Variants in TRPM6 observed in about 807,000 individuals in gnomAD.
TRPM6 encodes transient receptor potential cation channel subfamily M member 6.
Under a neutral mutation model 247.6 loss-of-function variants are expected in TRPM6, and 111 were observed. That is an observed-to-expected ratio of 0.45 (90% CI 0.38 to 0.52). TRPM6 has a LOEUF of 0.52. Ranked by LOEUF, TRPM6 falls within the 20% of genes least tolerant of loss-of-function variation. The pLI is 0.00. For missense variants in TRPM6, 2,126 were observed against 2,421.5 expected, an observed-to-expected ratio of 0.88 and a Z score of 2.56; for synonymous variants, 892 against 853.8, an observed-to-expected ratio of 1.04 and a Z score of -0.78.
intron 25 of TRPM6, among the ~76,000 whole-genome samples, chr9:74,770,943 T>C (rs755286819): frequency 1.4e-4 from 21 of 152,154 alleles, no homozygotes; most frequent in Non-Finnish European, 2.6e-4. Context: ...TCTCTGCTTC[T>C]CCTATTCTGT....
chr9:74,871,813 A>G (rs1170466791), intron 1 of TRPM6, among the ~76,000 whole-genome samples: 1 of 151,484 alleles, frequency 6.6e-6, no homozygotes, highest in Non-Finnish European at 1.5e-5. Context: ...CCGAGTATCT[A>G]GGATTACAAG....
At position 74,842,208 on chromosome 9, in the gene TRPM6, G is replaced by A. The variant is rs1829964798; in HGVS notation, c.288C>T (p.Gly96=). Residue 96 remains glycine, a synonymous_variant, in exon 4 of 39, where the codon GGC becomes GGT. Coordinates refer to ENST00000360774, the MANE Select transcript of TRPM6 (RefSeq NM_017662.5). ...HTTKSPTDTF[G]TINFQDGEHT... is the part of the protein sequence containing the mutation. ...GCTCTCCATCTTGGAAATTAATCGTGCCAAAAGTATCTGTTGGGCTTTTCG... is the reference window on the plus strand; with the variant it reads ...GCTCTCCATCTTGGAAATTAATCGTACCAAAAGTATCTGTTGGGCTTTTCG... 1 of 1,613,688 alleles carries A rather than the reference G, an allele frequency of 6.2e-7. No homozygotes were observed. The highest frequency in any genetic ancestry group is 1.3e-5 in the African/African-American group (1 of 74,810).
intron 37 of TRPM6, among the ~76,000 whole-genome samples, chr9:74,729,336 G>A (rs1376113145): frequency 6.6e-6 from 1 of 152,196 alleles, no homozygotes; most frequent in Non-Finnish European, 1.5e-5. Flanking sequence ...GGGACGTGGT[G>A]TAAAAATGGA....
chr9:74,775,087 C>A (rs926163610), intron 24 of TRPM6, among the ~76,000 whole-genome samples: 3 of 152,170 alleles, frequency 2.0e-5, no homozygotes, highest in Non-Finnish European at 4.4e-5. Context: ...TGTTCTCTGA[C>A]AACAATTAGT....
Position 74,774,518 on chromosome 9 carries a change from A to G in TRPM6, c.3403+1365T>C, listed in dbSNP as rs538805444. Among the ~76,000 whole-genome samples the G allele has an allele frequency of 3.3e-5, 5 of 152,308 alleles. No individual in the cohort carries two copies. The South Asian group carries it at 1.0e-3, about 32-fold the overall frequency. On this transcript the variant is annotated intron_variant, in intron 24 of 38. Transcript: ENST00000360774. The stretch of plus-strand genomic sequence containing the variant: ...ATCTTCAAAGTGACTTAGGAGGAGA[A>G]AAAATACTTCACAGAGTCACCTACC...
intron 7 of TRPM6, among the ~76,000 whole-genome samples, chr9:74,826,139 G>A (rs1375866312): frequency 6.6e-6 from 1 of 152,138 alleles, no homozygotes; most frequent in Non-Finnish European, 1.5e-5. Flanking sequence ...AAGACACACC[G>A]TGCACCCAAC....
At chr9:74,735,959 C>G (rs1825681592) in intron 36 of TRPM6, among the ~76,000 whole-genome samples, 1 of 152,202 alleles carries the variant, frequency 6.6e-6, no homozygotes, top group South Asian at 2.1e-4. Flanking sequence ...TAGGGAACCA[C>G]AGCACACTGA....
intron 27 of TRPM6, among the ~76,000 whole-genome samples, chr9:74,760,896 G>A (rs1022768854): frequency 6.6e-6 from 1 of 152,126 alleles, no homozygotes; most frequent in African/African-American, 2.4e-5. Flanking sequence ...GAGTGGATCT[G>A]TTATGAAAGC....
At chr9:74,818,168 C>G (rs368199238) in intron 9 of TRPM6, among the ~76,000 whole-genome samples, 12 of 152,100 alleles carry the variant, frequency 7.9e-5, no homozygotes, top group East Asian at 7.7e-4. Context: ...CAAGAAGAGG[C>G]AAACATAAGG....
chr9:74,823,628 T>C (rs894984256), intron 7 of TRPM6, among the ~76,000 whole-genome samples: 6 of 152,132 alleles, frequency 3.9e-5, no homozygotes, highest in African/African-American at 1.4e-4. Flanking sequence ...CTAATAGACA[T>C]AGGGTTTCTC....
At chr9:74,783,574 G>C (rs1334089813) in intron 21 of TRPM6, among the ~76,000 whole-genome samples, 1 of 152,180 alleles carries the variant, frequency 6.6e-6, no homozygotes, top group African/African-American at 2.4e-5. Context: ...TATGTCACAA[G>C]ACAAAGGGAT....
chr9:74,731,779 A>C (rs992252112), intron 37 of TRPM6, among the ~76,000 whole-genome samples: 5 of 151,576 alleles, frequency 3.3e-5, no homozygotes. Context: ...ATTAAGAAGT[A>C]AAAATGTATG....
chr9:74,731,801 CAA>C (rs943646125), intron 37 of TRPM6, among the ~76,000 whole-genome samples: 3 of 151,896 alleles, frequency 2.0e-5, no homozygotes, highest in African/African-American at 7.2e-5. Context: ...TGGCAGTTCT[CAA>C]GAGTGGTCTC....
chr9:74,805,111 T>C (rs1364834928), intron 14 of TRPM6, among the ~76,000 whole-genome samples: 1 of 152,220 alleles, frequency 6.6e-6, no homozygotes. Flanking sequence ...TTTTCTAACA[T>C]AATTGGATAA....
intron 3 of TRPM6, 40 bp from the exon 4 acceptor site, chr9:74,842,383 GA>G: frequency 6.2e-7 from 1 of 1,601,788 alleles, no homozygotes; most frequent in African/African-American, 1.3e-5. Context: ...CTTCAAAATA[GA>G]AAATAGATGC....
intron 1 of TRPM6, among the ~76,000 whole-genome samples, chr9:74,859,860 G>C (rs1017249231): frequency 1.3e-5 from 2 of 151,904 alleles, no homozygotes; most frequent in African/African-American, 2.4e-5. Flanking sequence ...CTTTCTAAAA[G>C]GGAGCTTTTT....
At chr9:74,796,601 ACCATATGT>A in intron 18 of TRPM6, 132 bp downstream of exon 18, 1 of 803,146 alleles carries the variant, frequency 1.2e-6, no homozygotes, top group Non-Finnish European at 2.1e-6. Context: ...GTACCCCAGG[ACCATATGT>A]CATCACAGGC....
chr9:74,756,748 C>T (rs2118818211), intron 27 of TRPM6, among the ~76,000 whole-genome samples: 1 of 149,266 alleles, frequency 6.7e-6, no homozygotes, highest in South Asian at 2.1e-4. Context: ...ACTCAAGGGG[C>T]TGAGGTGGGA....
intron 18 of TRPM6, among the ~76,000 whole-genome samples, chr9:74,794,864 C>T (rs546639480): frequency 1.7e-5 from 2 of 114,804 alleles, no homozygotes; most frequent in East Asian, 2.7e-4. Context: ...GCTCCCCTCA[C>T]CCCCCACACC....
Sources: allele counts gnomAD v4.1 joint callset (sites outside exome capture counted in the v4.1 genomes callset), GRCh38; gene constraint gnomAD v4.1.1; transcripts MANE v1.5; gene names NCBI Gene and HGNC (gene_info 2026-07-23, HGNC 2026-07-21).